KCTD15: variants seen among roughly 807,000 people sequenced by gnomAD.
KCTD15 encodes BTB/POZ domain-containing protein KCTD15.
Under a neutral mutation model 27.2 loss-of-function variants are expected in KCTD15, and 11 were observed. The ratio of observed to expected loss-of-function variants is 0.41; its 90% CI spans 0.25 to 0.67. The LOEUF (loss-of-function observed/expected upper bound fraction) is 0.67. Among genes scored for constraint, KCTD15 ranks in the 30% least tolerant of loss-of-function variants. KCTD15 has a pLI of 0.35. For missense variants in KCTD15, 350 were observed against 409.3 expected (o/e 0.86, Z 1.25); for synonymous variants, 163 against 176.0 (o/e 0.93, Z 0.58).
intron 4 of KCTD15, among the ~76,000 whole-genome samples, chr19:33,803,682 C>G (rs1975630783): frequency 1.3e-5 from 2 of 151,970 alleles, no homozygotes; most frequent in Non-Finnish European, 2.9e-5. Flanking sequence ...TGGGCCGGCC[C>G]CCTTGCTGGT....
At chr19:33,794,632 T>C (rs895699299), upstream of KCTD15, among the ~76,000 whole-genome samples, 2 of 152,120 alleles carry the variant, frequency 1.3e-5, no homozygotes, top group East Asian at 3.8e-4. Flanking sequence ...CACAAAGGCC[T>C]GGGGCGGGGG....
At chr19:33,811,196 C>CAA in intron 5 of KCTD15, 51 bp from the exon 6 acceptor site, 1 of 1,291,864 alleles carries the variant, frequency 7.7e-7, no homozygotes, top group Non-Finnish European at 1.0e-6. Context: ...CCCCTTCCCC[C>CAA]ACCACCCCTA....
chr19:33,811,288 C>G lies in KCTD15; in HGVS notation c.429C>G (p.Leu143=), dbSNP rs1244081785. ...LLYEEARYYQ[L]QPMVRELERW... is the part of the protein sequence containing the mutation. ...ACGAGGAGGCGCGCTACTATCAGCT[C>G]CAGCCCATGGTGCGCGAGCTGGAGC... The change falls in exon 6 of 7, where the codon CTC becomes CTG. Residue 143 remains leucine, a synonymous_variant. Transcript: ENST00000683859. 6.5e-7 allele frequency: 1 copy of G among 1,544,188 alleles called. No individual in the cohort carries two copies. The highest frequency in any genetic ancestry group is 8.7e-7 in the Non-Finnish European group (1 of 1,144,492).
intron 5 of KCTD15, among the ~76,000 whole-genome samples, chr19:33,808,996 G>T (rs1387415694): frequency 2.6e-5 from 4 of 152,024 alleles, no homozygotes; most frequent in Admixed American, 2.6e-4. Flanking sequence ...ATTAAAAAAG[G>T]CCGGGTGCGG....
In KCTD15 at chr19:33,809,847, G is replaced by T. The variant is rs115696211; in HGVS notation, c.388-1400G>T. Among the ~76,000 whole-genome samples, 1,303 of 152,174 alleles carry T rather than the reference G, an allele frequency of 8.6e-3. 18 individuals carry two copies. Among genetic ancestry groups the T allele is most frequent in the African/African-American group, 0.03 (1,244 of 41,504 alleles). ...GATCACATCACTGCACTCCAGTCTG[G>T]GCTACAGAATGAGACCCTGTCTAAA... On this transcript the variant is annotated intron_variant, in intron 5 of 6. Transcript: ENST00000683859.
chr19:33,798,291 G>A (rs932756144), intron 1 of KCTD15: 1 of 152,196 alleles, frequency 6.6e-6, no homozygotes, highest in South Asian at 2.1e-4. Flanking sequence ...TTCAGAAGAA[G>A]CGATTTAGTG....
intron 2 of KCTD15, 36 bp from the exon 3 acceptor site, chr19:33,800,392 A>C: frequency 6.7e-7 from 1 of 1,493,420 alleles, no homozygotes; most frequent in Non-Finnish European, 9.2e-7. Flanking sequence ...ACTAGGAGGA[A>C]TAAGCCTTCT....
chr19:33,812,799 CG>C lies in KCTD15; in HGVS notation c.705del (p.Leu236CysfsTer190). The stretch of plus-strand genomic sequence containing the variant: ...GTTTCTTCCTGGGCAGGTCCTGGAG[CG>C]GCTGTTCCAGAGGGGTTTCAGCGTG... ...CRLNSVQVLE[R>X]LFQRGFSVAA... On this transcript the variant is annotated frameshift_variant, in exon 7 of 7. Coordinates refer to ENST00000683859, the MANE Select transcript of KCTD15 (RefSeq NM_001129994.2). LOFTEE classifies it high-confidence loss of function. 1 of 1,474,106 alleles carries C rather than the reference CG, an allele frequency of 6.8e-7. No homozygotes were observed. The highest frequency in any genetic ancestry group is 9.0e-7 in the Non-Finnish European group (1 of 1,107,456). 91.3% of individuals were successfully genotyped at this position (1,474,106 alleles called of 1,614,324 possible). A position where few individuals can be genotyped will look rare whatever the true frequency, so the allele number is the denominator to read the frequency against.
chr19:33,812,057 A>G (rs1233996855), intron 6 of KCTD15: 5 of 1,387,340 alleles, frequency 3.6e-6, no homozygotes, highest in Non-Finnish European at 4.6e-6. Flanking sequence ...CTATTTTCCA[A>G]CAGCTCTTCG....
intron 4 of KCTD15, among the ~76,000 whole-genome samples, chr19:33,804,985 T>G (rs1448813459): frequency 6.6e-6 from 1 of 152,144 alleles, no homozygotes; most frequent in Non-Finnish European, 1.5e-5. Flanking sequence ...CTGGAGTACG[T>G]GGTGTGATCT....
Position 33,812,972 on chromosome 19 carries a change from G to GCC in KCTD15, c.*30_*31dup. The GCC allele has an allele frequency of 6.5e-7, 1 of 1,526,954 alleles. No individual in the cohort carries two copies. The highest frequency in any genetic ancestry group is 2.5e-5 in the East Asian group (1 of 40,772). The allele number at this position is 1,526,954 out of a possible 1,614,324, so 94.6% of individuals were successfully genotyped here. A position where few individuals can be genotyped will look rare whatever the true frequency, so the allele number is the denominator to read the frequency against. Reference sequence around the variant, plus strand: ...AGGCCCTGCTTCAGTGCCCACCTGGGCCCCCCCAGGGACCTGGAAACAGTG... The same window carrying GCC: ...AGGCCCTGCTTCAGTGCCCACCTGGGCCCCCCCCCAGGGACCTGGAAACAGTG... On this transcript the variant is annotated 3_prime_UTR_variant, in exon 7 of 7. Coordinates refer to ENST00000683859, the MANE Select transcript of KCTD15 (RefSeq NM_001129994.2).
rs1296383160 is a variant in KCTD15 at position 33,815,663 on chromosome 19, A to G, written c.*2715A>G. 6.7e-6 allele frequency: 1 copy of G among 148,346 alleles called. No individual in the cohort carries two copies. Among genetic ancestry groups the G allele is most frequent in the African/African-American group, 2.5e-5 (1 of 40,042 alleles). The allele number at this position is 148,346 out of a possible 1,614,324, so 9.2% of individuals were successfully genotyped here. On this transcript the variant is annotated 3_prime_UTR_variant, in exon 7 of 7. Transcript: ENST00000683859. Reference sequence around the variant, plus strand: ...CAGGGGCCCAATGCCAGGTCACAACACTAAGAATATCTTTCAAAAAATGTG... The same window carrying G: ...CAGGGGCCCAATGCCAGGTCACAACGCTAAGAATATCTTTCAAAAAATGTG...
Position 33,813,566 on chromosome 19 carries a change from AGG to A in KCTD15, c.*619_*620del. On this transcript the variant is annotated 3_prime_UTR_variant, in exon 7 of 7. Coordinates refer to ENST00000683859, the MANE Select transcript of KCTD15 (RefSeq NM_001129994.2). Reference sequence around the variant, plus strand: ...GGATGTGTGCTGCAGGGCTGCTGGGAGGAGAGTGGTGGGGGCCTGAGGGCTGA... The same window carrying A: ...GGATGTGTGCTGCAGGGCTGCTGGGAAGAGTGGTGGGGGCCTGAGGGCTGA... 1 of 359,970 alleles carries A rather than the reference AGG, an allele frequency of 2.8e-6. No individual in the cohort carries two copies. Among genetic ancestry groups the A allele is most frequent in the South Asian group, 2.1e-5 (1 of 48,398 alleles). 22.3% of individuals were successfully genotyped at this position (359,970 alleles called of 1,614,324 possible). A position where few individuals can be genotyped will look rare whatever the true frequency, so the allele number is the denominator to read the frequency against.
rs1242654979 is a variant in KCTD15, at chr19:33,800,438, C to T, written c.-17C>T. On this transcript the variant is annotated 5_prime_UTR_variant, in exon 3 of 7. Transcript: ENST00000683859. The stretch of plus-strand genomic sequence containing the variant: ...CGATGCCTCCCGCAGATACTCTGGG[C>T]AGGGATGGAAGCCTAGATGCCTCAC... 2.5e-6 allele frequency: 4 copies of T among 1,599,026 alleles called. No individual in the cohort carries two copies. Among genetic ancestry groups the T allele is most frequent in the East Asian group, 2.3e-5 (1 of 44,298 alleles).
At chr19:33,795,770 CGG>C (rs1364488926), upstream of KCTD15, among the ~76,000 whole-genome samples, 1 of 151,462 alleles carries the variant, frequency 6.6e-6, no homozygotes, top group Non-Finnish European at 1.5e-5. Context: ...GTCCGGGGCG[CGG>C]ACCTCGGCCG....
intron 5 of KCTD15, among the ~76,000 whole-genome samples, chr19:33,809,935 C>T (rs1421916571): frequency 6.6e-6 from 1 of 152,134 alleles, no homozygotes; most frequent in Non-Finnish European, 1.5e-5. Flanking sequence ...CAGGATAGAG[C>T]CCTGAGGAGC....
chr19:33,801,245 G>T lies in KCTD15; in HGVS notation c.145G>T (p.Ala49Ser). 6.2e-7 allele frequency: 1 copy of T among 1,613,518 alleles called. No individual in the cohort carries two copies. Among genetic ancestry groups the T allele is most frequent in the Non-Finnish European group, 8.5e-7 (1 of 1,179,842 alleles). ...PLAAQGIPLP[A>S]QLTKSNAPVH... ...GGCTGCCCAGGGCATCCCCCTGCCA[G>T]CCCAGCTCACCAAGTCCAATGCACC... is the stretch of plus-strand genomic sequence containing the variant. Residue 49 changes from alanine to serine, a missense_variant, in exon 4 of 7, where the codon GCC (alanine) becomes TCC (serine). Transcript: ENST00000683859.
Position 33,814,619 on chromosome 19 carries a change from G to A in KCTD15, c.*1671G>A, listed in dbSNP as rs1976039527. ...TTTAGACCCCCACGTAATGGTATGA[G>A]AAGGTGGCAGGCAGTGGCTCAGCCA... On this transcript the variant is annotated 3_prime_UTR_variant, in exon 7 of 7. Transcript: ENST00000683859. 1 of 152,234 alleles carries A rather than the reference G, an allele frequency of 6.6e-6. No homozygotes were observed. The highest frequency in any genetic ancestry group is 1.5e-5 in the Non-Finnish European group (1 of 68,062). 9.4% of individuals were successfully genotyped at this position (152,234 alleles called of 1,614,324 possible). A position where few individuals can be genotyped will look rare whatever the true frequency, so the allele number is the denominator to read the frequency against.
Position 33,811,349 on chromosome 19 carries a change from C to A in KCTD15, c.490C>A (p.Arg164=). The A allele has an allele frequency of 6.4e-7, 1 of 1,566,846 alleles. No individual in the cohort carries two copies. Among genetic ancestry groups the A allele is most frequent in the South Asian group, 1.2e-5 (1 of 85,838 alleles). ...QQEQEQRRRS[R]ACDCLVVRVT... ...GGAGCAGGAGCAGCGGCGCCGCAGC[C>A]GGGCCTGTGACTGCCTGGTGGTGCG... is the stretch of plus-strand genomic sequence containing the variant. Residue 164 remains arginine (R), a synonymous_variant, in exon 6 of 7, where the codon CGG becomes AGG. Coordinates refer to ENST00000683859, the MANE Select transcript of KCTD15 (RefSeq NM_001129994.2).
Sources: allele counts gnomAD v4.1 joint callset (sites outside exome capture counted in the v4.1 genomes callset), GRCh38; gene constraint gnomAD v4.1.1; transcripts MANE v1.5; gene names NCBI Gene and HGNC (gene_info 2026-07-23, HGNC 2026-07-21).